CAMK2B: variants seen among roughly 807,000 people sequenced by gnomAD.
CAMK2B encodes the protein calcium/calmodulin dependent protein kinase II beta.
A neutral mutation model predicts 93.7 loss-of-function variants in CAMK2B; 27 were observed. The ratio of observed to expected loss-of-function variants is 0.29; its 90% CI spans 0.21 to 0.40. CAMK2B has a LOEUF of 0.40. Ranked by LOEUF, CAMK2B falls within the 10% of genes least tolerant of loss-of-function variation. CAMK2B has a pLI of 1.00. For missense variants in CAMK2B, 568 were observed against 895.8 expected (o/e 0.63, Z 4.67); for synonymous variants, 374 against 358.8 (o/e 1.04, Z -0.48).
At chr7:44,234,049 ATC>A in intron 15 of CAMK2B, among the ~76,000 whole-genome samples, 1 of 152,238 alleles carries the variant, frequency 6.6e-6, no homozygotes, top group Non-Finnish European at 1.5e-5. Context: ...GGGAGAGGGT[ATC>A]TTCTGCCTCA....
At chr7:44,234,707 A>G (rs759317940) in intron 13 of CAMK2B, 31 bp from the exon 14 acceptor site, 3 of 1,612,712 alleles carry the variant, frequency 1.9e-6, no homozygotes, top group Admixed American at 3.3e-5. Context: ...AGGTATGGTG[A>G]GTGATGGGCC....
chr7:44,286,060 T>C lies in CAMK2B; in HGVS notation c.66-1835A>G, dbSNP rs558266834. On this transcript the variant is annotated intron_variant, in intron 1 of 23. Coordinates refer to ENST00000395749, the MANE Select transcript of CAMK2B (RefSeq NM_001220.5). This position sits in a 1 kb window ranked among gnomAD's most constrained non-coding sequence, Gnocchi z 4.0. ...GAGACTGAGGTGAGGGCAAAGACCA[T>C]GGGCTTTTTGCCTGGTCTGGCTTCA... is the stretch of plus-strand genomic sequence containing the variant. Among the ~76,000 whole-genome samples, 9 of 152,236 alleles carry C rather than the reference T, an allele frequency of 5.9e-5. No individual in the cohort carries two copies. In the East Asian group the frequency reaches 1.5e-3, roughly 26 times the overall value.
At position 44,228,811 on chromosome 7, in the gene CAMK2B, G is replaced by C; in HGVS notation, c.1453C>G (p.Pro485Ala). 1 of 1,516,172 alleles carries C rather than the reference G, an allele frequency of 6.6e-7. No homozygotes were observed. Among genetic ancestry groups the C allele is most frequent in the Non-Finnish European group, 8.8e-7 (1 of 1,137,084 alleles). 93.9% of individuals were successfully genotyped at this position (1,516,172 alleles called of 1,614,324 possible). Residue 485 changes from proline (P) to alanine (A), a missense_variant, in exon 19 of 24, where the codon CCC becomes GCC. This residue lies in a region of CAMK2B where 308 missense variants were observed against 292.1 expected (regional missense o/e 1.05). Transcript: ENST00000395749. ...CACTACTTACACGGGGAGGACAGGG[G>C]GCCTAGGAGAGCCGGAGACAGGCAG... ...PPCLSPALLG[P>A]LSSPSPRISD...
At chr7:44,267,314 T>A (rs564677832) in intron 2 of CAMK2B, among the ~76,000 whole-genome samples, 2 of 152,338 alleles carry the variant, frequency 1.3e-5, no homozygotes, top group South Asian at 2.1e-4. Flanking sequence ...AGCAGAGTGA[T>A]GAGCAGAGTG....
At chr7:44,220,017 G>A (rs140189514) in intron 23 of CAMK2B, 43 bp downstream of exon 23, 518 of 1,471,246 alleles carry the variant, frequency 3.5e-4, no homozygotes, top group Middle Eastern at 3.1e-3. Context: ...TCACACCACC[G>A]CCACCCCTCT....
chr7:44,257,301 G>A (rs1206448631), intron 4 of CAMK2B, among the ~76,000 whole-genome samples: 3 of 152,148 alleles, frequency 2.0e-5, no homozygotes, highest in African/African-American at 7.2e-5. Flanking sequence ...GGGAAGACAT[G>A]GAGGGTCCTT....
At position 44,226,595 on chromosome 7, in the gene CAMK2B, G is replaced by C. The variant is rs1324409981; in HGVS notation, c.1518C>G (p.Thr506=). ...CTGGCGAGGGGCCCTCGGCTTCTGG[G>C]GTCCCTGAGCCCCTCCTCACAGAGT... ...ILNSVRRGSG[T]PEAEGPSPVG... Residue 506 remains threonine (T), a synonymous_variant, in exon 20 of 24, where the codon ACC becomes ACG. Transcript: ENST00000395749. The C allele has an allele frequency of 6.6e-7, 1 of 1,513,202 alleles. No homozygotes were observed. Among genetic ancestry groups the C allele is most frequent in the Non-Finnish European group, 8.8e-7 (1 of 1,139,654 alleles). 93.7% of individuals were successfully genotyped at this position (1,513,202 alleles called of 1,614,324 possible). A position where few individuals can be genotyped will look rare whatever the true frequency, so the allele number is the denominator to read the frequency against.
At chr7:44,284,365 A>T (rs1784510242) in intron 1 of CAMK2B, 140 bp from the exon 2 acceptor site, 1 of 648,356 alleles carries the variant, frequency 1.5e-6, no homozygotes. Context: ...GCTGTGAGTC[A>T]GAAACTGTGA....
intron 1 of CAMK2B, among the ~76,000 whole-genome samples, chr7:44,295,373 T>C (rs944293591): frequency 3.3e-5 from 5 of 152,256 alleles, no homozygotes; most frequent in Non-Finnish European, 7.3e-5. Context: ...GGAAAACTTC[T>C]GCCTCCAAAA....
At chr7:44,287,222 C>T (rs1297971431) in intron 1 of CAMK2B, among the ~76,000 whole-genome samples, 1 of 145,738 alleles carries the variant, frequency 6.9e-6, no homozygotes, top group Non-Finnish European at 1.6e-5. Flanking sequence ...AGCCCCAAAC[C>T]TTCTCTGAGT....
chr7:44,272,386 G>C (rs1389973591), intron 2 of CAMK2B, among the ~76,000 whole-genome samples: 1 of 152,200 alleles, frequency 6.6e-6, no homozygotes, highest in African/African-American at 2.4e-5. Context: ...GGGGTCCCAA[G>C]TGATCCAGTC....
Position 44,226,027 on chromosome 7 carries a change from C to A in CAMK2B, c.1597+489G>T, listed in dbSNP as rs892438030. ...TTTCAGCCTGGCCCCAGCTGCCCCC[C>A]AGATCCGCGCCTCCCGATCCCCACC... On this transcript the variant is annotated intron_variant, in intron 20 of 23. Transcript: ENST00000395749. 32 of 734,168 alleles carry A rather than the reference C, an allele frequency of 4.4e-5. 1 individual carries two copies. Among genetic ancestry groups the A allele is most frequent in the South Asian group, 6.8e-5 (4 of 58,482 alleles). The allele number at this position is 734,168 out of a possible 1,614,324, so 45.5% of individuals were successfully genotyped here. A position where few individuals can be genotyped will look rare whatever the true frequency, so the allele number is the denominator to read the frequency against.
intron 2 of CAMK2B, among the ~76,000 whole-genome samples, chr7:44,263,271 A>G (rs2096895642): frequency 6.6e-6 from 1 of 152,176 alleles, no homozygotes; most frequent in South Asian, 2.1e-4. Context: ...TGTGTTTGGG[A>G]TGGGTGGAGA....
rs996451882 is a variant in CAMK2B at position 44,271,300 on chromosome 7, T to G, written c.161-8236A>C. 6.6e-6 allele frequency among the ~76,000 whole-genome samples: 1 copy of G among 152,114 alleles called. No individual in the cohort carries two copies. Among genetic ancestry groups the G allele is most frequent in the Non-Finnish European group, 1.5e-5 (1 of 68,008 alleles). On this transcript the variant is annotated intron_variant, in intron 2 of 23. Coordinates refer to ENST00000395749, the MANE Select transcript of CAMK2B (RefSeq NM_001220.5). The surrounding 1 kb of genome is among the most constrained non-coding windows in gnomAD (Gnocchi z 4.2). ...GCACCCTGCCTGGTACCAACACACTTAACTCAAGCGTCCCAATTCACTTCA... is the reference window on the plus strand; with the variant it reads ...GCACCCTGCCTGGTACCAACACACTGAACTCAAGCGTCCCAATTCACTTCA...
In CAMK2B at chr7:44,229,448, C is replaced by T. The variant is rs1158203436; in HGVS notation, c.1279G>A (p.Glu427Lys). Reference sequence around the variant, plus strand: ...GGGCAGGGCAGGGGCCCCTCGGCTTCTGGGGCTCCCGAGCCCCTCCTCACT... The same window carrying T: ...GGGCAGGGCAGGGGCCCCTCGGCTTTTGGGGCTCCCGAGCCCCTCCTCACT... ...SSVRRGSGAP[E>K]AEGPLPCPSP... The change falls in exon 18 of 24, where the codon GAA becomes AAA. Residue 427 changes from glutamate (E) to lysine (K), a missense_variant. Transcript: ENST00000395749. 4.0e-6 allele frequency: 6 copies of T among 1,489,280 alleles called. No homozygotes were observed. The highest frequency in any genetic ancestry group is 5.4e-6 in the Non-Finnish European group (6 of 1,120,982). The allele number at this position is 1,489,280 out of a possible 1,614,324, so 92.3% of individuals were successfully genotyped here.
chr7:44,239,732 T>A, intron 12 of CAMK2B, 69 bp from the exon 13 acceptor site: 1 of 1,109,826 alleles, frequency 9.0e-7, no homozygotes, highest in Non-Finnish European at 1.3e-6. Context: ...GTGGGCGAGG[T>A]AAGGGAAGAA....
rs923358572 is a variant in CAMK2B, at chr7:44,224,397, G to A, written c.1597+2119C>T. On this transcript the variant is annotated intron_variant, in intron 20 of 23. Transcript: ENST00000395749. The surrounding 1 kb of genome is among the most constrained non-coding windows in gnomAD (Gnocchi z 4.4). Reference sequence around the variant, plus strand: ...CCCAACATGAAGAGGTGCCCGGGTCGGGAAACCTGCTGGCTGAGGACAAGC... The same window carrying A: ...CCCAACATGAAGAGGTGCCCGGGTCAGGAAACCTGCTGGCTGAGGACAAGC... 2.0e-5 allele frequency among the ~76,000 whole-genome samples: 3 copies of A among 152,220 alleles called. No homozygotes were observed. The highest frequency in any genetic ancestry group is 4.4e-5 in the Non-Finnish European group (3 of 68,042).
At chr7:44,262,273 C>T (rs2129037071) in intron 3 of CAMK2B, among the ~76,000 whole-genome samples, 1 of 152,316 alleles carries the variant, frequency 6.6e-6, no homozygotes, top group South Asian at 2.1e-4. Context: ...GCCCCAAATC[C>T]ACCTGACAGC....
intron 13 of CAMK2B, among the ~76,000 whole-genome samples, chr7:44,239,106 C>T (rs1584033213): frequency 6.6e-6 from 1 of 152,356 alleles, no homozygotes; most frequent in African/African-American, 2.4e-5. Context: ...GGGGGATGCT[C>T]AGGGCAGACA....
Sources: allele counts gnomAD v4.1 joint callset (sites outside exome capture counted in the v4.1 genomes callset), GRCh38; gene constraint gnomAD v4.1.1; regional missense constraint gnomAD v4.1.1; non-coding constraint Gnocchi (gnomAD v3.1); transcripts MANE v1.5; gene names NCBI Gene and HGNC (gene_info 2026-07-23, HGNC 2026-07-21).